RIT2: variants seen among roughly 807,000 people sequenced by gnomAD.
RIT2 encodes GTP-binding protein Rit2.
A neutral mutation model predicts 23.7 loss-of-function variants in RIT2; 24 were observed. That is an observed-to-expected ratio of 1.01 (90% CI 0.73 to 1.43). The LOEUF (loss-of-function observed/expected upper bound fraction) is 1.43. Ranked by LOEUF, RIT2 falls within the 40% of genes most tolerant of loss-of-function variation. RIT2 has a pLI of 0.00. For missense variants in RIT2, 236 were observed against 266.9 expected (o/e 0.88, Z 0.81); for synonymous variants, 107 against 91.1 (o/e 1.17, Z -0.99).
chr18:43,097,537 G>T (rs922066155), intron 1 of RIT2, among the ~76,000 whole-genome samples: 2 of 151,886 alleles, frequency 1.3e-5, no homozygotes, highest in Non-Finnish European at 2.9e-5. Flanking sequence ...TTGGAAAAGA[G>T]TAGGATATCT....
At chr18:42,964,387 C>T (rs550916014) in intron 3 of RIT2, among the ~76,000 whole-genome samples, 1 of 151,734 alleles carries the variant, frequency 6.6e-6, no homozygotes, top group Non-Finnish European at 1.5e-5. Context: ...ATTTTGCCCA[C>T]AAGGAAATTC....
At chr18:42,903,142 GA>G (rs896057995) in intron 4 of RIT2, among the ~76,000 whole-genome samples, 1 of 151,862 alleles carries the variant, frequency 6.6e-6, no homozygotes, top group African/African-American at 2.4e-5. Flanking sequence ...AAAATTATGA[GA>G]AAAAAATGGA....
chr18:42,976,218 T>C (rs1254941506), intron 2 of RIT2, among the ~76,000 whole-genome samples: 1 of 151,734 alleles, frequency 6.6e-6, no homozygotes, highest in South Asian at 2.1e-4. Context: ...AGCACCTAAA[T>C]TGAGTAGGAG....
intron 1 of RIT2, among the ~76,000 whole-genome samples, chr18:43,083,974 T>G (rs1032726094): frequency 3.9e-5 from 6 of 152,030 alleles, no homozygotes; most frequent in Admixed American, 3.9e-4. Context: ...AAAATTTCTG[T>G]AATCTATCCA....
At chr18:43,026,569 T>A (rs1206010590) in intron 2 of RIT2, among the ~76,000 whole-genome samples, 14 of 49,544 alleles carry the variant, frequency 2.8e-4, no homozygotes, top group South Asian at 6.1e-4. Context: ...AAGTAAGAAA[T>A]AAATAAGAAA....
At chr18:43,033,959 T>A in intron 1 of RIT2, 92 bp from the exon 2 acceptor site, 1 of 823,240 alleles carries the variant, frequency 1.2e-6, no homozygotes, top group East Asian at 2.6e-5. Flanking sequence ...TTTTAAAAGG[T>A]TATGGTGAAT....
chr18:42,765,801 A>G (rs1158793257), intron 4 of RIT2, among the ~76,000 whole-genome samples: 1 of 152,180 alleles, frequency 6.6e-6, no homozygotes, highest in Admixed American at 6.5e-5. Context: ...TATCTCCCAG[A>G]ATTCTGACGT....
At position 42,743,421 on chromosome 18, in the gene RIT2, A is replaced by G. The variant is rs1777822760; in HGVS notation, c.*72T>C. The G allele has an allele frequency of 9.1e-7, 1 of 1,093,676 alleles. No homozygotes were observed. The highest frequency in any genetic ancestry group is 1.8e-5 in the Admixed American group (1 of 55,746). The allele number at this position is 1,093,676 out of a possible 1,614,324, so 67.7% of individuals were successfully genotyped here. ...GAGACACATAGAGAGATAATATTGA[A>G]GCAGAATGCTACATATGGAATTGTC... On this transcript the variant is annotated 3_prime_UTR_variant, in exon 5 of 5. Coordinates refer to ENST00000326695, the MANE Select transcript of RIT2 (RefSeq NM_002930.4).
intron 1 of RIT2, among the ~76,000 whole-genome samples, chr18:43,100,707 G>A (rs1913663169): frequency 6.6e-6 from 1 of 152,124 alleles, no homozygotes; most frequent in Admixed American, 6.5e-5. Flanking sequence ...AAGTATGAAG[G>A]AAAGAGGAGT....
intron 4 of RIT2, among the ~76,000 whole-genome samples, chr18:42,846,985 G>C (rs772370901): frequency 4.6e-5 from 7 of 152,060 alleles, no homozygotes; most frequent in Non-Finnish European, 1.0e-4. Context: ...CTATTGAGTT[G>C]TGCATTTATG....
rs141889579 is a variant in RIT2 at position 42,771,879 on chromosome 18, G to A, written c.427-28159C>T. ...AGGCAGTAATTAGAAATTTTGACAC[G>A]TTGCCCTTTGCAACTTGTTTGATGG... On this transcript the variant is annotated intron_variant, in intron 4 of 4. Transcript: ENST00000326695. 1.7e-4 allele frequency among the ~76,000 whole-genome samples: 26 copies of A among 152,154 alleles called. 1 individual carries two copies. In the East Asian group the frequency reaches 4.7e-3, roughly 27 times the overall value.
intron 4 of RIT2, among the ~76,000 whole-genome samples, chr18:42,885,186 C>T (rs1373710701): frequency 6.6e-6 from 1 of 152,176 alleles, no homozygotes; most frequent in Non-Finnish European, 1.5e-5. Flanking sequence ...AACTAAAGAG[C>T]TTTATGTGCT....
intron 1 of RIT2, among the ~76,000 whole-genome samples, chr18:43,083,173 G>A (rs1913198182): frequency 1.3e-5 from 2 of 152,028 alleles, no homozygotes; most frequent in South Asian, 4.1e-4. Flanking sequence ...CAACTACAAG[G>A]GACGTGAAGG....
At chr18:42,748,992 T>C (rs1329890513) in intron 4 of RIT2, among the ~76,000 whole-genome samples, 1 of 151,946 alleles carries the variant, frequency 6.6e-6, no homozygotes, top group Admixed American at 6.6e-5. Context: ...ACAAACTCAA[T>C]TGATCCAATT....
intron 1 of RIT2, among the ~76,000 whole-genome samples, chr18:43,049,618 A>G (rs1022163521): frequency 1.8e-4 from 27 of 152,182 alleles, no homozygotes; most frequent in African/African-American, 6.3e-4. Context: ...AGCAAAGAAG[A>G]GGGAATGCAC....
chr18:43,084,136 G>A (rs1002795977), intron 1 of RIT2, among the ~76,000 whole-genome samples: 1 of 152,168 alleles, frequency 6.6e-6, no homozygotes, highest in African/African-American at 2.4e-5. Context: ...AGGAAAAAAA[G>A]CTCATCATCA....
At chr18:42,819,156 C>T (rs896359943) in intron 4 of RIT2, among the ~76,000 whole-genome samples, 7 of 152,046 alleles carry the variant, frequency 4.6e-5, no homozygotes, top group Admixed American at 4.6e-4. Flanking sequence ...TCTCTTTCTG[C>T]CTTATATAAT....
chr18:43,042,867 T>A (rs1912160754), intron 1 of RIT2, among the ~76,000 whole-genome samples: 1 of 152,184 alleles, frequency 6.6e-6, no homozygotes, highest in Admixed American at 6.5e-5. Context: ...ATTATAGCAC[T>A]GTTATTAAAA....
intron 1 of RIT2, among the ~76,000 whole-genome samples, chr18:43,049,802 C>A (rs1207543160): frequency 6.6e-6 from 1 of 151,832 alleles, no homozygotes; most frequent in Admixed American, 6.6e-5. Context: ...AAGCGGTATT[C>A]AGGCATTTCT....
Sources: gnomAD v4.1 joint callset for allele counts (sites outside exome capture counted in the v4.1 genomes callset) on GRCh38, gnomAD v4.1.1 for gene constraint, MANE v1.5 for transcripts, NCBI Gene and HGNC (gene_info 2026-07-23, HGNC 2026-07-21) for gene names.